The following FAM171A1 variants were observed in gnomAD, a reference collection of about 807,000 sequenced individuals.
The protein encoded by FAM171A1 is family with sequence similarity 171 member A1.
FAM171A1 carries 23 observed loss-of-function variants against 74.9 expected under a neutral mutation model. The observed-to-expected ratio is 0.31, with a 90% confidence interval of 0.22 to 0.44. The LOEUF (loss-of-function observed/expected upper bound fraction) is 0.44, where lower values mean the gene tolerates loss of function less well. FAM171A1 is among the 20% of genes least tolerant of loss of function. The pLI, the probability that FAM171A1 is intolerant of heterozygous loss-of-function variation, is 1.00. For synonymous variants in FAM171A1, 527 were observed against 505.7 expected (o/e 1.04, Z -0.57); for missense variants, 1,162 against 1,159.2 (o/e 1.00, Z -0.03).
chr10:15,262,758 G>A (rs1239626189), intron 3 of FAM171A1, among the ~76,000 whole-genome samples: 1 of 152,230 alleles, frequency 6.6e-6, no homozygotes, highest in Non-Finnish European at 1.5e-5. Flanking sequence ...AACTAGAAGA[G>A]ATGAAAGGCT....
intron 1 of FAM171A1, among the ~76,000 whole-genome samples, chr10:15,348,458 T>C (rs2131877384): frequency 6.6e-6 from 1 of 152,238 alleles, no homozygotes; most frequent in East Asian, 1.9e-4. Flanking sequence ...TTTCTTAAAT[T>C]GAGATGTTAA....
chr10:15,235,266 C>T (rs1486966999), intron 5 of FAM171A1, among the ~76,000 whole-genome samples: 1 of 134,088 alleles, frequency 7.5e-6, no homozygotes, highest in Non-Finnish European at 1.5e-5. Flanking sequence ...TGCGCCACTG[C>T]ACTCCAGCCT....
upstream of FAM171A1, among the ~76,000 whole-genome samples, chr10:15,374,090 G>A (rs1174259581): frequency 6.6e-6 from 1 of 152,168 alleles, no homozygotes; most frequent in Non-Finnish European, 1.5e-5. Context: ...ACACCCCTGC[G>A]AGACGCTCAG....
chr10:15,307,374 G>C (rs993435108), intron 1 of FAM171A1, among the ~76,000 whole-genome samples: 5 of 152,124 alleles, frequency 3.3e-5, no homozygotes, highest in Non-Finnish European at 1.5e-5. Context: ...GCCGGGTGCA[G>C]TGGCTCACAC....
intron 1 of FAM171A1, among the ~76,000 whole-genome samples, chr10:15,345,260 A>T (rs1468020588): frequency 6.6e-6 from 1 of 152,202 alleles, no homozygotes; most frequent in Non-Finnish European, 1.5e-5. Context: ...GGCCCTAAGG[A>T]GAGACAGACA....
intron 1 of FAM171A1, among the ~76,000 whole-genome samples, chr10:15,337,663 G>C (rs1453967054): frequency 6.6e-6 from 1 of 152,200 alleles, no homozygotes; most frequent in African/African-American, 2.4e-5. Flanking sequence ...TTAATAAGCA[G>C]TAGGGGTTGG....
intron 1 of FAM171A1, among the ~76,000 whole-genome samples, chr10:15,318,479 G>A (rs373655795): frequency 3.9e-5 from 6 of 152,272 alleles, no homozygotes; most frequent in African/African-American, 1.4e-4. Flanking sequence ...GCAGAGAAAT[G>A]CATTTGCCTT....
At chr10:15,353,851 T>A (rs1402360613) in intron 1 of FAM171A1, among the ~76,000 whole-genome samples, 3 of 151,972 alleles carry the variant, frequency 2.0e-5, no homozygotes, top group Non-Finnish European at 4.4e-5. Flanking sequence ...GGGAGGAACC[T>A]GAAGTAAAGG....
At chr10:15,334,912 A>G (rs989230156) in intron 1 of FAM171A1, among the ~76,000 whole-genome samples, 3 of 152,206 alleles carry the variant, frequency 2.0e-5, no homozygotes, top group Admixed American at 6.5e-5. Context: ...AGTGCCTTCC[A>G]AGTTGCAACA....
intron 5 of FAM171A1, among the ~76,000 whole-genome samples, chr10:15,247,659 A>G (rs1180894598): frequency 1.3e-5 from 2 of 151,518 alleles, no homozygotes; most frequent in African/African-American, 4.9e-5. Context: ...CATGACCTCA[A>G]TCTGGGCACT....
At chr10:15,323,857 A>T (rs552428485) in intron 1 of FAM171A1, among the ~76,000 whole-genome samples, 7 of 152,306 alleles carry the variant, frequency 4.6e-5, no homozygotes, top group African/African-American at 1.7e-4. Context: ...AAAAAAAAAA[A>T]ATCCTTAAAC....
At chr10:15,356,049 TAA>T (rs1167011707) in intron 1 of FAM171A1, among the ~76,000 whole-genome samples, 1 of 152,040 alleles carries the variant, frequency 6.6e-6, no homozygotes, top group Non-Finnish European at 1.5e-5. Flanking sequence ...AAGAAAAATA[TAA>T]GTTTGGATTA....
chr10:15,303,894 G>A (rs377028670), intron 1 of FAM171A1, among the ~76,000 whole-genome samples: 8 of 152,328 alleles, frequency 5.3e-5, no homozygotes, highest in African/African-American at 1.9e-4. Flanking sequence ...GTATGAAAGA[G>A]ATTAAGTCAA....
chr10:15,341,324 A>T (rs1218111798), intron 1 of FAM171A1, among the ~76,000 whole-genome samples: 3 of 152,224 alleles, frequency 2.0e-5, no homozygotes, highest in Non-Finnish European at 4.4e-5. Context: ...TGTACAACAA[A>T]TCTTATTTTC....
At chr10:15,280,503 G>GCTAA (rs1834954063) in intron 2 of FAM171A1, among the ~76,000 whole-genome samples, 2 of 152,018 alleles carry the variant, frequency 1.3e-5, no homozygotes, top group African/African-American at 4.8e-5. Flanking sequence ...ATCTCCTATG[G>GCTAA]CTAAGTTTAT....
chr10:15,314,492 G>C (rs1835400008), intron 1 of FAM171A1, among the ~76,000 whole-genome samples: 1 of 152,074 alleles, frequency 6.6e-6, no homozygotes, highest in South Asian at 2.1e-4. Flanking sequence ...TGGGTTACCG[G>C]GTCCATCTGG....
chr10:15,249,335 A>G (rs1834478729), intron 4 of FAM171A1, among the ~76,000 whole-genome samples: 1 of 152,102 alleles, frequency 6.6e-6, no homozygotes, highest in Admixed American at 6.5e-5. Context: ...ACCTCAGGTG[A>G]TCTGCCTGCC....
At chr10:15,276,415 G>T (rs530206914) in intron 2 of FAM171A1, among the ~76,000 whole-genome samples, 1 of 152,160 alleles carries the variant, frequency 6.6e-6, no homozygotes, top group Non-Finnish European at 1.5e-5. Flanking sequence ...TCCTGACTTC[G>T]TGATCCACCT....
At chr10:15,229,629 A>C (rs28602955) in intron 5 of FAM171A1, among the ~76,000 whole-genome samples, 1,384 of 120,942 alleles carry the variant, frequency 0.011, 39 homozygotes, top group African/African-American at 0.03. Flanking sequence ...TGTCACCCCC[A>C]TCACCATCAT....
Sources: gnomAD v4.1 joint callset for allele counts (sites outside exome capture counted in the v4.1 genomes callset) on GRCh38, gnomAD v4.1.1 for gene constraint, MANE v1.5 for transcripts, NCBI Gene and HGNC (gene_info 2026-07-23, HGNC 2026-07-21) for gene names.